THSD7B: variants seen among roughly 807,000 people sequenced by gnomAD.
The protein encoded by THSD7B is thrombospondin type-1 domain-containing protein 7B.
In THSD7B, 138 loss-of-function variants were observed where a neutral mutation model predicts 213.6. That is an observed-to-expected ratio of 0.65 (90% CI 0.56 to 0.74). THSD7B has a LOEUF of 0.74. Among genes scored for constraint, THSD7B ranks in the 30% least tolerant of loss-of-function variants. The pLI is 0.00. For synonymous variants in THSD7B, 742 were observed against 687.0 expected (o/e 1.08, Z -1.25); for missense variants, 1,931 against 1,991.5 (o/e 0.97, Z 0.58).
At chr2:136,834,048 T>G (rs778192) in intron 1 of THSD7B, among the ~76,000 whole-genome samples, 89,454 of 151,988 alleles carry the variant, frequency 0.59, 26,799 homozygotes, top group South Asian at 0.71. Flanking sequence ...GTGACTAATA[T>G]GTAGCTAGTA....
intron 15 of THSD7B, among the ~76,000 whole-genome samples, chr2:137,557,827 T>C (rs1172898598): frequency 6.6e-6 from 1 of 151,912 alleles, no homozygotes; most frequent in Non-Finnish European, 1.5e-5. Flanking sequence ...GCAAGACTAA[T>C]AAAGAAGAAA....
chr2:136,930,021 C>T (rs1278833035), intron 2 of THSD7B, among the ~76,000 whole-genome samples: 2 of 152,120 alleles, frequency 1.3e-5, no homozygotes, highest in African/African-American at 2.4e-5. Context: ...GGTTGTTGGC[C>T]TGCAAAGGGC....
At chr2:137,430,854 C>G (rs1311184823) in intron 14 of THSD7B, among the ~76,000 whole-genome samples, 2 of 152,122 alleles carry the variant, frequency 1.3e-5, no homozygotes. Flanking sequence ...GGTGCGGAAA[C>G]ACAGAGGAAT....
intron 4 of THSD7B, among the ~76,000 whole-genome samples, chr2:137,105,297 T>C (rs1688225883): frequency 6.6e-6 from 1 of 152,022 alleles, no homozygotes; most frequent in Admixed American, 6.6e-5. Context: ...ACAGAACCAA[T>C]GACAAAAACC....
At chr2:136,978,126 T>A (rs1222628042) in intron 2 of THSD7B, among the ~76,000 whole-genome samples, 2 of 152,218 alleles carry the variant, frequency 1.3e-5, no homozygotes, top group Admixed American at 1.3e-4. Context: ...CCTTGAGTTC[T>A]AATTTAATTG....
chr2:137,027,741 G>A (rs1686582154), intron 2 of THSD7B, among the ~76,000 whole-genome samples: 1 of 152,084 alleles, frequency 6.6e-6, no homozygotes, highest in African/African-American at 2.4e-5. Context: ...TATTCTCAGG[G>A]CACAGAACAG....
intron 7 of THSD7B, among the ~76,000 whole-genome samples, chr2:137,197,953 C>T (rs143674736): frequency 2.0e-5 from 3 of 152,118 alleles, no homozygotes; most frequent in East Asian, 1.9e-4. Context: ...CTCATGCACA[C>T]GTGTATGCAT....
At chr2:137,664,865 C>G (rs909770060) in intron 26 of THSD7B, among the ~76,000 whole-genome samples, 2 of 152,074 alleles carry the variant, frequency 1.3e-5, no homozygotes, top group Non-Finnish European at 2.9e-5. Context: ...AACATTAACT[C>G]CTAGGGCATG....
At chr2:137,041,934 G>A (rs1009527112) in intron 2 of THSD7B, among the ~76,000 whole-genome samples, 1 of 152,192 alleles carries the variant, frequency 6.6e-6, no homozygotes, top group African/African-American at 2.4e-5. Context: ...AGCATGTCCT[G>A]TAGGTAGGGC....
intron 9 of THSD7B, among the ~76,000 whole-genome samples, chr2:137,237,130 A>C (rs1012281864): frequency 2.6e-5 from 4 of 151,916 alleles, no homozygotes; most frequent in African/African-American, 4.8e-5. Context: ...AAAAAAAAAA[A>C]AAAAGCTGAA....
In THSD7B at chr2:137,676,588, G is replaced by T; in HGVS notation, c.4804G>T (p.Gly1602Ter). 1.3e-6 allele frequency: 2 copies of T among 1,588,450 alleles called. No individual in the cohort carries two copies. The change falls in exon 28 of 28, where the codon GGA becomes TGA. Residue 1602 changes from glycine (G) to a stop codon, truncating the protein, a stop_gained. Transcript: ENST00000409968. LOFTEE classifies it high-confidence loss of function. ...GAAGCCTCTGACCTTAGCCTACGAT[G>T]GAGACTTAGACATGTAATCTGAAAA... ...QQKPLTLAYD[G>*]DLDM
Position 137,283,015 on chromosome 2 carries a change from TA to T in THSD7B, c.2500+6991del, listed in dbSNP as rs1201152282. On this transcript the variant is annotated intron_variant, in intron 12 of 27. Coordinates refer to ENST00000409968, the MANE Select transcript of THSD7B (RefSeq NM_001316349.2). The stretch of plus-strand genomic sequence containing the variant: ...TTGGGCAGTATGGCCATTTTCACGA[TA>T]ATTGATTCTTCCTACCCATGAGCAT... 7.2e-5 allele frequency among the ~76,000 whole-genome samples: 11 copies of T among 152,230 alleles called. No homozygotes were observed. The East Asian group carries it at 1.2e-3, about 16-fold the overall frequency.
At chr2:137,366,227 A>T (rs531024503) in intron 12 of THSD7B, among the ~76,000 whole-genome samples, 14 of 152,112 alleles carry the variant, frequency 9.2e-5, no homozygotes, top group African/African-American at 3.4e-4. Flanking sequence ...AACATCACAC[A>T]CTGGAGCCTG....
At chr2:137,153,171 G>A (rs962233834) in intron 5 of THSD7B, among the ~76,000 whole-genome samples, 3 of 152,088 alleles carry the variant, frequency 2.0e-5, no homozygotes, top group Non-Finnish European at 4.4e-5. Flanking sequence ...GGTGGCTATT[G>A]ACTTTGATTT....
chr2:137,471,568 C>T (rs557648575), intron 15 of THSD7B, among the ~76,000 whole-genome samples: 54 of 152,042 alleles, frequency 3.6e-4, no homozygotes, highest in African/African-American at 1.2e-3. Context: ...CTGTCCACTG[C>T]CATCAAGGAC....
At chr2:137,171,269 G>A (rs1032335937) in intron 7 of THSD7B, among the ~76,000 whole-genome samples, 2 of 151,976 alleles carry the variant, frequency 1.3e-5, no homozygotes, top group Admixed American at 6.6e-5. Context: ...ACAAGTAAAA[G>A]CCAATGTATA....
At chr2:137,570,014 T>A (rs974888958) in intron 16 of THSD7B, among the ~76,000 whole-genome samples, 2 of 151,702 alleles carry the variant, frequency 1.3e-5, no homozygotes, top group Non-Finnish European at 2.9e-5. Flanking sequence ...ATTTTTTTTT[T>A]AAGTTTGTCC....
At chr2:137,611,970 A>G (rs13399754) in intron 17 of THSD7B, among the ~76,000 whole-genome samples, 6,176 of 152,236 alleles carry the variant, frequency 0.041, 412 homozygotes, top group African/African-American at 0.14. Context: ...TTCAAAAACT[A>G]TTTGTTTAAA....
At chr2:137,243,911 G>C (rs1007408389) in intron 10 of THSD7B, among the ~76,000 whole-genome samples, 2 of 152,184 alleles carry the variant, frequency 1.3e-5, no homozygotes, top group Non-Finnish European at 2.9e-5. Context: ...CATTGAATAA[G>C]AAAGAGCTTT....
Sources: gnomAD v4.1 joint callset for allele counts (sites outside exome capture counted in the v4.1 genomes callset) on GRCh38, gnomAD v4.1.1 for gene constraint, MANE v1.5 for transcripts, NCBI Gene and HGNC (gene_info 2026-07-23, HGNC 2026-07-21) for gene names.